ZNF254: variants seen among roughly 807,000 people sequenced by gnomAD.
ZNF254 encodes CTD-2017D11.1.
Under a neutral mutation model 12.4 loss-of-function variants are expected in ZNF254, and 10 were observed. That is an observed-to-expected ratio of 0.80 (90% CI 0.50 to 1.36). The LOEUF (loss-of-function observed/expected upper bound fraction) is 1.36, where lower values mean the gene tolerates loss of function less well. Ranked by LOEUF, ZNF254 falls within the 40% of genes most tolerant of loss-of-function variation. The pLI is 0.00. For missense variants in ZNF254, 996 were observed against 763.9 expected (o/e 1.30, Z -3.58); for synonymous variants, 305 against 253.4 (o/e 1.20, Z -1.93).
At chr19:24,063,781 CTT>C (rs35652625) in intron 2 of ZNF254, 34 of 140,398 alleles carry the variant, frequency 2.4e-4, no homozygotes, top group African/African-American at 2.6e-4. Flanking sequence ...GGTGATGTTA[CTT>C]TTTTTTTTTT....
intron 2 of ZNF254, among the ~76,000 whole-genome samples, chr19:24,068,935 A>G (rs1971377983): frequency 6.6e-6 from 1 of 152,138 alleles, no homozygotes; most frequent in African/African-American, 2.4e-5. Flanking sequence ...CACTCTCTCA[A>G]ATATTCTATA....
intron 1 of ZNF254, among the ~76,000 whole-genome samples, chr19:24,090,788 TAAG>T (rs1972325993): frequency 6.6e-6 from 1 of 152,140 alleles, no homozygotes; most frequent in South Asian, 2.1e-4. Flanking sequence ...GCTTGAAAGG[TAAG>T]AAAATATTTG....
At chr19:24,064,216 C>G (rs183097052) in intron 2 of ZNF254, among the ~76,000 whole-genome samples, 45 of 152,264 alleles carry the variant, frequency 3.0e-4, no homozygotes, top group Non-Finnish European at 4.4e-5. Context: ...CCTCTTTCCA[C>G]TGGGGTTACT....
intron 2 of ZNF254, chr19:24,079,924 A>G (rs916373080): frequency 1.3e-5 from 2 of 152,216 alleles, no homozygotes; most frequent in African/African-American, 4.8e-5. Flanking sequence ...CAACTTTCTC[A>G]GGGCAAAGAT....
intron 3 of ZNF254, among the ~76,000 whole-genome samples, chr19:24,124,314 A>G (rs1305031847): frequency 6.6e-6 from 1 of 152,132 alleles, no homozygotes; most frequent in East Asian, 1.9e-4. Context: ...TTCATTAATG[A>G]ATATTTAAAA....
intron 3 of ZNF254, among the ~76,000 whole-genome samples, chr19:24,116,060 G>A (rs367750190): frequency 5.3e-5 from 8 of 152,184 alleles, no homozygotes; most frequent in Non-Finnish European, 8.8e-5. Context: ...TCTGCCGAGA[G>A]GTCCACTCTT....
intron 2 of ZNF254, among the ~76,000 whole-genome samples, chr19:24,064,950 T>C (rs1018821861): frequency 6.6e-6 from 1 of 152,208 alleles, no homozygotes; most frequent in South Asian, 2.1e-4. Flanking sequence ...ATTTGACTTT[T>C]CTGTTCCGCT....
chr19:24,115,289 T>C lies in ZNF254; in HGVS notation c.253+8646T>C, dbSNP rs1175456642. Among the ~76,000 whole-genome samples the C allele has an allele frequency of 1.3e-5, 2 of 152,074 alleles. 1 individual carries two copies. Among genetic ancestry groups the C allele is most frequent in the Admixed American group, 1.3e-4 (2 of 15,278 alleles). ...TGGAACCAACCCAAATGTCCAACAA[T>C]GATAGACTGGATTAAGAAAATGTGG... On this transcript the variant is annotated intron_variant, in intron 3 of 3. Coordinates refer to ENST00000357002, the MANE Select transcript of ZNF254 (RefSeq NM_203282.4).
At chr19:24,103,378 A>G (rs904918083) in intron 1 of ZNF254, among the ~76,000 whole-genome samples, 7 of 152,160 alleles carry the variant, frequency 4.6e-5, no homozygotes, top group African/African-American at 1.2e-4. Flanking sequence ...ATCGCATTAC[A>G]TAGAGTGGGG....
intron 1 of ZNF254, chr19:24,098,644 C>A (rs2145738657): frequency 6.6e-6 from 1 of 152,244 alleles, no homozygotes; most frequent in Non-Finnish European, 1.5e-5. Flanking sequence ...CTGACTTGAG[C>A]AATCTTATAT....
At chr19:24,034,507 T>C (rs1028860017) in intron 1 of ZNF254, among the ~76,000 whole-genome samples, 2 of 106,468 alleles carry the variant, frequency 1.9e-5, no homozygotes, top group African/African-American at 6.3e-5. Context: ...TTTTTTTTTT[T>C]TTTCTTTTGT....
chr19:24,033,482 T>C (rs929168223), exon 1 of ZNF254: 1 of 189,566 alleles, frequency 5.3e-6, no homozygotes, highest in African/African-American at 2.4e-5. Context: ...CCACCAGAGC[T>C]TGGAATCCGT....
At chr19:24,123,339 A>G (rs1021592724) in intron 3 of ZNF254, among the ~76,000 whole-genome samples, 5 of 152,172 alleles carry the variant, frequency 3.3e-5, no homozygotes, top group Non-Finnish European at 7.4e-5. Flanking sequence ...GTGGTTTATC[A>G]AGTAAAATGT....
chr19:24,110,516 TA>T (rs2145846010), intron 3 of ZNF254, among the ~76,000 whole-genome samples: 1 of 152,028 alleles, frequency 6.6e-6, no homozygotes, highest in Admixed American at 6.6e-5. Context: ...CAGTGAGCCA[TA>T]ATTGTGCCAT....
chr19:24,055,496 C>G (rs1158016108), intron 2 of ZNF254, among the ~76,000 whole-genome samples: 1 of 151,944 alleles, frequency 6.6e-6, no homozygotes, highest in East Asian at 2.0e-4. Context: ...CCAGGATGGT[C>G]TCAATCTCCT....
At chr19:24,055,082 A>T (rs937300824) in intron 2 of ZNF254, among the ~76,000 whole-genome samples, 1 of 151,392 alleles carries the variant, frequency 6.6e-6, no homozygotes, top group Non-Finnish European at 1.5e-5. Context: ...GGGCACCTGT[A>T]ATCCCAGCTA....
At chr19:24,057,379 A>C (rs1970898704) in intron 2 of ZNF254, among the ~76,000 whole-genome samples, 1 of 152,234 alleles carries the variant, frequency 6.6e-6, no homozygotes, top group Non-Finnish European at 1.5e-5. Flanking sequence ...AACAACTCTC[A>C]TATCTGGACC....
chr19:24,097,630 A>T (rs1335384670), intron 1 of ZNF254, among the ~76,000 whole-genome samples: 1 of 151,730 alleles, frequency 6.6e-6, no homozygotes, highest in Non-Finnish European at 1.5e-5. Flanking sequence ...AAAAATACAA[A>T]ATTAGAAGGG....
At chr19:24,074,954 C>T (rs968507495) in intron 2 of ZNF254, among the ~76,000 whole-genome samples, 4 of 152,210 alleles carry the variant, frequency 2.6e-5, no homozygotes, top group Admixed American at 2.6e-4. Flanking sequence ...AATGATGTGA[C>T]TCTTCTATGG....
Sources: gnomAD v4.1 joint callset for allele counts (sites outside exome capture counted in the v4.1 genomes callset) on GRCh38, gnomAD v4.1.1 for gene constraint, MANE v1.5 for transcripts, NCBI Gene and HGNC (gene_info 2026-07-23, HGNC 2026-07-21) for gene names.